The following CLASRP variants were observed in gnomAD, a reference collection of about 807,000 sequenced individuals.
The protein encoded by CLASRP is CLK4 associating serine/arginine rich protein.
CLASRP carries 52 observed loss-of-function variants against 99.9 expected under a neutral mutation model. That is an observed-to-expected ratio of 0.52 (90% CI 0.42 to 0.66). The LOEUF is 0.66. Ranked by LOEUF, CLASRP falls within the 30% of genes least tolerant of loss-of-function variation. The pLI is 0.00. For missense variants in CLASRP, 848 were observed against 999.2 expected (o/e 0.85, Z 2.04); for synonymous variants, 379 against 373.0 (o/e 1.02, Z -0.18).
intron 16 of CLASRP, among the ~76,000 whole-genome samples, chr19:45,068,773 C>T (rs1051411523): frequency 6.6e-5 from 10 of 151,752 alleles, no homozygotes; most frequent in African/African-American, 2.2e-4. Flanking sequence ...CCGAGGTGGG[C>T]GGATCACGAG....
At chr19:45,052,966 G>A (rs1463725843) in intron 4 of CLASRP, 74 bp downstream of exon 4, 3 of 1,525,362 alleles carry the variant, frequency 2.0e-6, no homozygotes, top group Middle Eastern at 1.7e-4. Flanking sequence ...CAGCCTACCT[G>A]TCACCTTCCT....
intron 2 of CLASRP, among the ~76,000 whole-genome samples, chr19:45,049,731 T>C (rs573760506): frequency 6.6e-6 from 1 of 152,278 alleles, no homozygotes; most frequent in South Asian, 2.1e-4. Flanking sequence ...CTTTCCTTCA[T>C]TGGGTGTTCT....
rs753014066 is a variant in CLASRP at position 45,064,041 on chromosome 19, G to C, written c.935G>C (p.Arg312Pro). The C allele has an allele frequency of 3.1e-6, 5 of 1,611,840 alleles. No homozygotes were observed. ...RSPSESSSES[R>P]SRSRSPTPGR... ...CCCTCGGAGTCCAGCTCAGAGTCCC[G>C]CTCCCGCTCCCGCTCCCCGACCCCG... Residue 312 changes from arginine (R) to proline (P), a missense_variant, in exon 12 of 21, where the codon CGC (arginine) becomes CCC (proline). Coordinates refer to ENST00000221455, the MANE Select transcript of CLASRP (RefSeq NM_007056.3).
At chr19:45,054,222 A>G (rs1437196670) in intron 5 of CLASRP, among the ~76,000 whole-genome samples, 4 of 152,120 alleles carry the variant, frequency 2.6e-5, no homozygotes, top group African/African-American at 9.7e-5. Flanking sequence ...ACAACCACCT[A>G]GCAAGGTAGG....
Position 45,064,359 on chromosome 19 carries a change from T to C in CLASRP, c.1138T>C (p.Ser380Pro). 6.5e-7 allele frequency: 1 copy of C among 1,532,418 alleles called. No individual in the cohort carries two copies. The highest frequency in any genetic ancestry group is 8.7e-7 in the Non-Finnish European group (1 of 1,144,090). The allele number at this position is 1,532,418 out of a possible 1,614,324, so 94.9% of individuals were successfully genotyped here. Residue 380 changes from serine (S) to proline (P), a missense_variant, in exon 13 of 21, where the codon TCC becomes CCC. By Grantham distance (74) the Ser-to-Pro change is moderately conservative. Coordinates refer to ENST00000221455, the MANE Select transcript of CLASRP (RefSeq NM_007056.3). ...CGCCTGCAGCCGCCGCTCCTCCTCCTCCTCCTCCTCCTCTTCTGCCTCGAG... is the reference window on the plus strand; with the variant it reads ...CGCCTGCAGCCGCCGCTCCTCCTCCCCCTCCTCCTCCTCTTCTGCCTCGAG... Reference protein sequence around the residue: ...NASARRRSSSSSSSSSASRTS... With the variant: ...NASARRRSSSPSSSSSASRTS...
chr19:45,064,258 C>CCCCG, intron 12 of CLASRP, 31 bp downstream of exon 12: 1 of 1,548,588 alleles, frequency 6.5e-7, no homozygotes. Flanking sequence ...CCGCCCTACG[C>CCCCG]CCCGGTCACC....
At chr19:45,058,677 G>A (rs1972168114) in intron 7 of CLASRP, among the ~76,000 whole-genome samples, 1 of 151,946 alleles carries the variant, frequency 6.6e-6, no homozygotes, top group African/African-American at 2.4e-5. Context: ...GAGCCACCGC[G>A]CTCAGCCCAG....
rs144325640 is a variant in CLASRP at position 45,059,424 on chromosome 19, A to G, written c.710+60A>G. 5,305 of 1,351,628 alleles carry G rather than the reference A, an allele frequency of 3.9e-3. 18 individuals are homozygous for G. The highest frequency in any genetic ancestry group is 7.3e-3 in the Middle Eastern group (41 of 5,626). 83.7% of individuals were successfully genotyped at this position (1,351,628 alleles called of 1,614,324 possible). A position where few individuals can be genotyped will look rare whatever the true frequency, so the allele number is the denominator to read the frequency against. ...GTGGGCCCCACCCTGGCATCTCACT[A>G]TTACTCCCGGTATTGACAGCCATCC... On this transcript the variant is annotated intron_variant, in intron 8 of 20. Transcript: ENST00000221455.
chr19:45,070,236 G>T, intron 19 of CLASRP, 132 bp downstream of exon 19: 1 of 696,354 alleles, frequency 1.4e-6, no homozygotes, highest in Non-Finnish European at 2.6e-6. Context: ...GGAGGCTGAG[G>T]TGGGTGGATC....
chr19:45,046,777 CA>C (rs1971924822), intron 2 of CLASRP, among the ~76,000 whole-genome samples: 1 of 152,180 alleles, frequency 6.6e-6, no homozygotes, highest in African/African-American at 2.4e-5. Flanking sequence ...CCTGTAATCC[CA>C]ACACTTTGGG....
rs1378389109 is a variant in CLASRP at position 45,067,575 on chromosome 19, G to A, written c.1648G>A (p.Val550Met). 3.1e-6 allele frequency: 5 copies of A among 1,601,492 alleles called. No homozygotes were observed. Among genetic ancestry groups the A allele is most frequent in the Admixed American group, 3.4e-5 (2 of 59,152 alleles). Residue 550 changes from valine to methionine, a missense_variant, in exon 14 of 21, where the codon GTG becomes ATG. Around this residue, in one of 8 missense-constraint regions of CLASRP, gnomAD observed 489 missense variants for 434.7 expected, o/e 1.12. Coordinates refer to ENST00000221455, the MANE Select transcript of CLASRP (RefSeq NM_007056.3). This position sits in a 1 kb window ranked among gnomAD's most constrained non-coding sequence, Gnocchi z 4.9. ...KLTRPAASPA[V>M]GEKLKKTEPA... ...GACCAGGCCGGCCGCGTCCCCTGCT[G>A]TGGGCGAGAAGCTGAAAAAGTGAGC...
At chr19:45,052,932 ACCCAGGAGCCCCTGTTCTTTT>A (rs1308675920) in intron 4 of CLASRP, 40 bp downstream of exon 4, 5 of 1,562,636 alleles carry the variant, frequency 3.2e-6, no homozygotes, top group Non-Finnish European at 4.4e-6. Flanking sequence ...ACAGCGTCAT[ACCCAGGAGCCCCTGTTCTTTT>A]CCCAGCCTAC....
intron 13 of CLASRP, among the ~76,000 whole-genome samples, chr19:45,066,668 G>A (rs533598399): frequency 3.3e-5 from 5 of 150,264 alleles, no homozygotes; most frequent in Middle Eastern, 3.4e-3. Flanking sequence ...CAGAGTCAGC[G>A]TGTGGCCCAG....
At position 45,052,056 on chromosome 19, in the gene CLASRP, T is replaced by C. The variant is rs1972034101; in HGVS notation, c.100-15T>C. On this transcript the variant is annotated splice_polypyrimidine_tract_variant and intron_variant, in intron 2 of 20. Coordinates refer to ENST00000221455, the MANE Select transcript of CLASRP (RefSeq NM_007056.3). ...CTCTGTTGGGTGGTGACCTCAGTCCTGTTTACCCCTGCAGAAGAAGGACCC... is the reference window on the plus strand; with the variant it reads ...CTCTGTTGGGTGGTGACCTCAGTCCCGTTTACCCCTGCAGAAGAAGGACCC... 1 of 1,611,604 alleles carries C rather than the reference T, an allele frequency of 6.2e-7. No individual in the cohort carries two copies. Among genetic ancestry groups the C allele is most frequent in the Non-Finnish European group, 8.5e-7 (1 of 1,178,172 alleles).
At chr19:45,044,595 C>A (rs1026963751) in intron 2 of CLASRP, among the ~76,000 whole-genome samples, 1 of 152,124 alleles carries the variant, frequency 6.6e-6, no homozygotes, top group Non-Finnish European at 1.5e-5. Flanking sequence ...AAGACCCCAT[C>A]TCTGCAAAAA....
At chr19:45,061,651 C>T (rs1426118266) in intron 10 of CLASRP, among the ~76,000 whole-genome samples, 1 of 151,946 alleles carries the variant, frequency 6.6e-6, no homozygotes, top group Non-Finnish European at 1.5e-5. Flanking sequence ...ATAAAAAATA[C>T]TTAGTAGAGA....
At chr19:45,040,527 G>A in intron 2 of CLASRP, 1 of 457,886 alleles carries the variant, frequency 2.2e-6, no homozygotes, top group Non-Finnish European at 4.1e-6. Flanking sequence ...GCCTCCCAGT[G>A]CCGATCCGGT....
At chr19:45,069,030 G>A (rs1967168963) in intron 16 of CLASRP, 36 bp from the exon 17 acceptor site, 1 of 1,591,952 alleles carries the variant, frequency 6.3e-7, no homozygotes, top group African/African-American at 1.3e-5. Context: ...GGCTCTTAAG[G>A]GAACCCCTCA....
At chr19:45,064,303 T>C in intron 12 of CLASRP, 40 bp from the exon 13 acceptor site, 2 of 1,508,246 alleles carry the variant, frequency 1.3e-6, no homozygotes, top group Non-Finnish European at 1.8e-6. Flanking sequence ...GGGCCGCGGC[T>C]CAGGCCTGCG....
Sources: allele counts gnomAD v4.1 joint callset (sites outside exome capture counted in the v4.1 genomes callset), GRCh38; gene constraint gnomAD v4.1.1; regional missense constraint gnomAD v4.1.1; non-coding constraint Gnocchi (gnomAD v3.1); transcripts MANE v1.5; gene names NCBI Gene and HGNC (gene_info 2026-07-23, HGNC 2026-07-21).